SLC24A3: variants seen among roughly 807,000 people sequenced by gnomAD.
SLC24A3 encodes the protein sodium/potassium/calcium exchanger 3.
In SLC24A3, 28 loss-of-function variants were observed where a neutral mutation model predicts 75.8. The ratio of observed to expected loss-of-function variants is 0.37; its 90% CI spans 0.27 to 0.51. SLC24A3 has a LOEUF of 0.51. Among genes scored for constraint, SLC24A3 ranks in the 20% least tolerant of loss-of-function variants. The pLI is 0.94. For synonymous variants in SLC24A3, 372 were observed against 334.1 expected (o/e 1.11, Z -1.24); for missense variants, 663 against 847.8 (o/e 0.78, Z 2.71).
intron 2 of SLC24A3, among the ~76,000 whole-genome samples, chr20:19,444,145 T>C (rs1007718512): frequency 5.3e-5 from 8 of 152,246 alleles, no homozygotes; most frequent in Non-Finnish European, 1.0e-4. Flanking sequence ...TTAATTGATT[T>C]CAAATATCAA....
At chr20:19,544,867 C>T (rs925244739) in intron 3 of SLC24A3, among the ~76,000 whole-genome samples, 10 of 152,160 alleles carry the variant, frequency 6.6e-5, no homozygotes, top group Non-Finnish European at 1.5e-5. Context: ...AATAGTAAAG[C>T]ATGGCCACCA....
At chr20:19,416,406 C>T (rs544904751) in intron 2 of SLC24A3, among the ~76,000 whole-genome samples, 5 of 152,256 alleles carry the variant, frequency 3.3e-5, no homozygotes, top group East Asian at 3.9e-4. Context: ...TTTTATGGCT[C>T]GCCAGCTAAC....
In SLC24A3 at chr20:19,616,566, G is replaced by T. The variant is rs560608504; in HGVS notation, c.612+31022G>T. ...CATCTGAGACGGCTAACCTAGATCT[G>T]CCCACCAATGCTGGGGCCACCCAAA... On this transcript the variant is annotated intron_variant, in intron 6 of 16. Transcript: ENST00000328041. 3.3e-5 allele frequency among the ~76,000 whole-genome samples: 5 copies of T among 152,260 alleles called. No homozygotes were observed. In the South Asian group the frequency reaches 1.0e-3, roughly 32 times the overall value.
At chr20:19,644,753 G>C (rs954361303) in intron 6 of SLC24A3, among the ~76,000 whole-genome samples, 44 of 152,258 alleles carry the variant, frequency 2.9e-4, no homozygotes, top group African/African-American at 1.0e-3. Flanking sequence ...TAGCCAGAAT[G>C]GGCTGAGAGC....
chr20:19,450,385 C>G (rs909372465), intron 2 of SLC24A3, among the ~76,000 whole-genome samples: 1 of 152,126 alleles, frequency 6.6e-6, no homozygotes, highest in Non-Finnish European at 1.5e-5. Flanking sequence ...TTTCATCTCC[C>G]CAGCCCTGAT....
At chr20:19,460,291 T>C (rs2223647) in intron 2 of SLC24A3, among the ~76,000 whole-genome samples, 82,712 of 151,752 alleles carry the variant, frequency 0.55, 22,816 homozygotes, top group Non-Finnish European at 0.58. Flanking sequence ...TGTTGTGCTG[T>C]TTGCCCTGAG....
At chr20:19,481,424 T>C (rs1014729001) in intron 2 of SLC24A3, among the ~76,000 whole-genome samples, 1 of 152,086 alleles carries the variant, frequency 6.6e-6, no homozygotes, top group African/African-American at 2.4e-5. Flanking sequence ...GGTTGTCCAG[T>C]TGGTAAATGG....
intron 6 of SLC24A3, among the ~76,000 whole-genome samples, chr20:19,603,393 A>T (rs1375100753): frequency 6.6e-6 from 1 of 152,184 alleles, no homozygotes; most frequent in African/African-American, 2.4e-5. Context: ...CAAAGAAAAG[A>T]GTTCCGTGTG....
chr20:19,668,498 AT>A (rs1222274595), intron 8 of SLC24A3, among the ~76,000 whole-genome samples: 1 of 152,166 alleles, frequency 6.6e-6, no homozygotes, highest in Non-Finnish European at 1.5e-5. Flanking sequence ...TGGCCTAGAG[AT>A]TTCAAGGCAG....
At chr20:19,352,917 A>G (rs1222157903) in intron 2 of SLC24A3, among the ~76,000 whole-genome samples, 1 of 152,240 alleles carries the variant, frequency 6.6e-6, no homozygotes, top group Non-Finnish European at 1.5e-5. Context: ...AGAAAACCTT[A>G]TCACCGAGTG....
At chr20:19,287,208 C>T (rs1340086425) in intron 2 of SLC24A3, among the ~76,000 whole-genome samples, 1 of 152,214 alleles carries the variant, frequency 6.6e-6, no homozygotes, top group African/African-American at 2.4e-5. Flanking sequence ...ACTCCAGAAC[C>T]TTCTATCTTT....
intron 2 of SLC24A3, among the ~76,000 whole-genome samples, chr20:19,410,727 G>A: frequency 6.6e-6 from 1 of 152,128 alleles, no homozygotes; most frequent in East Asian, 1.9e-4. Context: ...GAAAATAAGT[G>A]AATGAAAGAA....
chr20:19,300,468 G>GT (rs758467385), intron 2 of SLC24A3, among the ~76,000 whole-genome samples: 3 of 152,184 alleles, frequency 2.0e-5, no homozygotes, highest in African/African-American at 4.8e-5. Context: ...GAATTTCTGA[G>GT]TGAGAACTAC....
chr20:19,395,103 A>G (rs78668045), intron 2 of SLC24A3, among the ~76,000 whole-genome samples: 2,993 of 152,298 alleles, frequency 0.02, 104 homozygotes, highest in African/African-American at 0.067. Flanking sequence ...GACAAATACT[A>G]TATGGTGTAA....
At chr20:19,437,510 T>C (rs1014591469) in intron 2 of SLC24A3, among the ~76,000 whole-genome samples, 2 of 152,146 alleles carry the variant, frequency 1.3e-5, no homozygotes, top group African/African-American at 4.8e-5. Context: ...AATGTGAAAA[T>C]GGACTAATAC....
intron 1 of SLC24A3, among the ~76,000 whole-genome samples, chr20:19,234,582 C>T (rs763587241): frequency 6.6e-6 from 1 of 152,152 alleles, no homozygotes; most frequent in Non-Finnish European, 1.5e-5. Flanking sequence ...GATGGGTTTC[C>T]TTTCCTTATG....
intron 1 of SLC24A3, among the ~76,000 whole-genome samples, chr20:19,259,586 C>T (rs1410998277): frequency 6.6e-6 from 1 of 152,208 alleles, no homozygotes; most frequent in African/African-American, 2.4e-5. Context: ...TGGAGGGGTT[C>T]ATGGAACACA....
chr20:19,396,540 G>A (rs758741115), intron 2 of SLC24A3, among the ~76,000 whole-genome samples: 12 of 152,154 alleles, frequency 7.9e-5, no homozygotes, highest in Non-Finnish European at 1.6e-4. Context: ...CAATAGCCAC[G>A]TTGTCAGTGG....
intron 3 of SLC24A3, among the ~76,000 whole-genome samples, chr20:19,518,336 T>C (rs1037457974): frequency 6.6e-6 from 1 of 152,190 alleles, no homozygotes; most frequent in Admixed American, 6.5e-5. Flanking sequence ...ATGGCTTCAC[T>C]CTGAAGGAAC....
Sources: gnomAD v4.1 joint callset for allele counts (sites outside exome capture counted in the v4.1 genomes callset) on GRCh38, gnomAD v4.1.1 for gene constraint, MANE v1.5 for transcripts, NCBI Gene and HGNC (gene_info 2026-07-23, HGNC 2026-07-21) for gene names.